Variants in SORCS3 observed in about 807,000 individuals in gnomAD.
The protein encoded by SORCS3 is sortilin related VPS10 domain containing receptor 3, also known as VPS10 domain-containing receptor SorCS3.
Under a neutral mutation model 146.3 loss-of-function variants are expected in SORCS3, and 57 were observed. That is an observed-to-expected ratio of 0.39 (90% CI 0.31 to 0.49). The LOEUF (loss-of-function observed/expected upper bound fraction) is 0.49, where lower values mean the gene tolerates loss of function less well. SORCS3 is among the 20% of genes least tolerant of loss of function. The pLI is 0.92. For missense variants in SORCS3, 1,341 were observed against 1,575.5 expected, an observed-to-expected ratio of 0.85 and a Z score of 2.52; for synonymous variants, 653 against 618.5, an observed-to-expected ratio of 1.06 and a Z score of -0.83.
intron 4 of SORCS3, among the ~76,000 whole-genome samples, chr10:105,006,932 A>G (rs1342991): frequency 0.23 from 34,708 of 152,062 alleles, 4,537 homozygotes; most frequent in African/African-American, 0.35. Flanking sequence ...TGTTACTCCC[A>G]GTAGAATTAG....
At chr10:104,970,881 CTTTTA>C (rs1054121658) in intron 3 of SORCS3, among the ~76,000 whole-genome samples, 4 of 152,078 alleles carry the variant, frequency 2.6e-5, no homozygotes, top group Non-Finnish European at 5.9e-5. Context: ...CTAGTTAACA[CTTTTA>C]TTTTATAAGG....
intron 1 of SORCS3, among the ~76,000 whole-genome samples, chr10:104,644,333 C>A (rs967222431): frequency 6.6e-6 from 1 of 152,242 alleles, no homozygotes; most frequent in East Asian, 1.9e-4. Context: ...TCTCTTCTGA[C>A]CACATTTTGT....
chr10:104,849,539 A>G (rs1020712987), intron 2 of SORCS3, among the ~76,000 whole-genome samples: 12 of 152,138 alleles, frequency 7.9e-5, no homozygotes, highest in African/African-American at 2.9e-4. Context: ...TCTTGGATTC[A>G]AACAGCCTGG....
At chr10:104,789,008 A>T (rs1272169550) in intron 1 of SORCS3, among the ~76,000 whole-genome samples, 1 of 152,072 alleles carries the variant, frequency 6.6e-6, no homozygotes, top group Non-Finnish European at 1.5e-5. Flanking sequence ...CTGGGCTCCT[A>T]GCTTCCTCTT....
intron 3 of SORCS3, among the ~76,000 whole-genome samples, chr10:104,962,163 T>C (rs1349295865): frequency 6.6e-6 from 1 of 151,524 alleles, no homozygotes; most frequent in Non-Finnish European, 1.5e-5. Flanking sequence ...AGGGATTGAG[T>C]TAAAATGGGA....
chr10:104,846,287 T>C (rs955778745), intron 2 of SORCS3, among the ~76,000 whole-genome samples: 1 of 152,208 alleles, frequency 6.6e-6, no homozygotes, highest in African/African-American at 2.4e-5. Context: ...TAAAGATCTG[T>C]ATCTCCCGTT....
At chr10:105,045,642 G>T (rs1488661003) in intron 5 of SORCS3, among the ~76,000 whole-genome samples, 1 of 152,010 alleles carries the variant, frequency 6.6e-6, no homozygotes, top group Non-Finnish European at 1.5e-5. Flanking sequence ...TTATCTCCTT[G>T]AGAAAAGACA....
chr10:105,044,289 G>C (rs116503530), intron 5 of SORCS3, among the ~76,000 whole-genome samples: 1 of 152,118 alleles, frequency 6.6e-6, no homozygotes, highest in East Asian at 1.9e-4. Context: ...GTGATCACTT[G>C]AGCTCAGGAG....
rs572607985 is a variant in SORCS3, at chr10:105,130,940, G to A, written c.1213-8457G>A. On this transcript the variant is annotated intron_variant, in intron 7 of 26. Transcript: ENST00000369701. ...CACTTTTTATTCTGACTCATAGTGTGGTCCCTAGGAAAGCAGTGTTGGAAA... is the reference window on the plus strand; with the variant it reads ...CACTTTTTATTCTGACTCATAGTGTAGTCCCTAGGAAAGCAGTGTTGGAAA... Among the ~76,000 whole-genome samples the A allele has an allele frequency of 3.9e-5, 6 of 152,198 alleles. No homozygotes were observed. The South Asian group carries it at 1.2e-3, about 32-fold the overall frequency.
At chr10:104,964,922 G>C (rs2054817756) in intron 3 of SORCS3, among the ~76,000 whole-genome samples, 1 of 152,020 alleles carries the variant, frequency 6.6e-6, no homozygotes, top group Admixed American at 6.6e-5. Flanking sequence ...TTGTCATTAT[G>C]ATTTTGACTA....
intron 3 of SORCS3, among the ~76,000 whole-genome samples, chr10:104,918,329 C>T (rs915502740): frequency 1.3e-5 from 2 of 152,138 alleles, no homozygotes; most frequent in African/African-American, 4.8e-5. Flanking sequence ...AAAAAACTCA[C>T]ATAGCCAGAT....
chr10:105,214,386 A>AC, intron 17 of SORCS3, 56 bp from the exon 18 acceptor site: 1 of 1,595,640 alleles, frequency 6.3e-7, no homozygotes, highest in Non-Finnish European at 8.6e-7. Flanking sequence ...ACACACATAC[A>AC]ACAGCAACAA....
chr10:105,093,291 A>C (rs2055722994), intron 6 of SORCS3, among the ~76,000 whole-genome samples: 1 of 152,218 alleles, frequency 6.6e-6, no homozygotes. Context: ...CATAGATCTA[A>C]ATATAAAACA....
chr10:105,199,151 C>T (rs2056560309), intron 14 of SORCS3, among the ~76,000 whole-genome samples: 1 of 152,046 alleles, frequency 6.6e-6, no homozygotes, highest in Admixed American at 6.6e-5. Flanking sequence ...GATCGGTCTC[C>T]CCTTTACATC....
chr10:104,809,962 C>CT (rs1344440888), intron 1 of SORCS3, among the ~76,000 whole-genome samples: 4 of 152,294 alleles, frequency 2.6e-5, no homozygotes, highest in African/African-American at 9.6e-5. Flanking sequence ...CCTCAGCCCC[C>CT]TGGGATAGGG....
chr10:104,897,194 A>G (rs1012067194), intron 2 of SORCS3, among the ~76,000 whole-genome samples: 2 of 152,198 alleles, frequency 1.3e-5, no homozygotes, highest in Non-Finnish European at 2.9e-5. Context: ...CTCAGTCTGT[A>G]CAAAAGGTAA....
chr10:104,735,308 T>C (rs1025306469), intron 1 of SORCS3, among the ~76,000 whole-genome samples: 1 of 152,112 alleles, frequency 6.6e-6, no homozygotes, highest in Non-Finnish European at 1.5e-5. Flanking sequence ...TTACTTGGGA[T>C]TCAGGAAACT....
chr10:105,197,070 G>T (rs549236405), intron 14 of SORCS3, among the ~76,000 whole-genome samples: 1 of 152,162 alleles, frequency 6.6e-6, no homozygotes, highest in South Asian at 2.1e-4. Flanking sequence ...TCATCTTTGT[G>T]TCTTTTATAA....
At chr10:105,118,134 C>G (rs2055905979) in intron 7 of SORCS3, among the ~76,000 whole-genome samples, 1 of 152,082 alleles carries the variant, frequency 6.6e-6, no homozygotes, top group African/African-American at 2.4e-5. Flanking sequence ...TTCTCATAAT[C>G]CCCAGTGTGT....
Sources: allele counts gnomAD v4.1 joint callset (sites outside exome capture counted in the v4.1 genomes callset), GRCh38; gene constraint gnomAD v4.1.1; transcripts MANE v1.5; gene names NCBI Gene and HGNC (gene_info 2026-07-23, HGNC 2026-07-21).